The following SGCZ variants were observed in gnomAD, a reference collection of about 807,000 sequenced individuals.
SGCZ encodes zeta-sarcoglycan.
In SGCZ, 40 loss-of-function variants were observed where a neutral mutation model predicts 41.3. The observed-to-expected ratio is 0.97, with a 90% CI of 0.75 to 1.26. The LOEUF (loss-of-function observed/expected upper bound fraction) is 1.26, where lower values mean the gene tolerates loss of function less well. Among genes scored for constraint, SGCZ ranks in the 50% most tolerant of loss-of-function variants. The pLI is 0.00. For synonymous variants in SGCZ, 206 were observed against 137.5 expected (o/e 1.50, Z -3.49); for missense variants, 552 against 369.8 (o/e 1.49, Z -4.04).
At chr8:14,500,188 C>G (rs1306572055) in intron 2 of SGCZ, among the ~76,000 whole-genome samples, 1 of 151,994 alleles carries the variant, frequency 6.6e-6, no homozygotes, top group Non-Finnish European at 1.5e-5. Flanking sequence ...TGTAAAGAAT[C>G]GCTTAAAATA....
At chr8:15,056,679 G>A (rs1408092594) in intron 1 of SGCZ, among the ~76,000 whole-genome samples, 2 of 152,050 alleles carry the variant, frequency 1.3e-5, no homozygotes, top group East Asian at 3.9e-4. Flanking sequence ...TTCGCAGCTG[G>A]CTAAAGGAGA....
At chr8:14,630,727 T>C (rs961351747) in intron 1 of SGCZ, among the ~76,000 whole-genome samples, 2 of 151,848 alleles carry the variant, frequency 1.3e-5, no homozygotes, top group African/African-American at 2.4e-5. Context: ...TGTAGGGACA[T>C]GGATGAAGCT....
At chr8:14,433,304 C>G (rs910636565) in intron 2 of SGCZ, among the ~76,000 whole-genome samples, 2 of 152,134 alleles carry the variant, frequency 1.3e-5, no homozygotes, top group African/African-American at 4.8e-5. Context: ...CGTTTAACAC[C>G]TGTAGTGATT....
intron 2 of SGCZ, among the ~76,000 whole-genome samples, chr8:14,386,706 G>C (rs3860043): frequency 2.6e-5 from 4 of 151,936 alleles, no homozygotes; most frequent in Admixed American, 2.6e-4. Flanking sequence ...TGGGCTGCCA[G>C]AAGTTCATAT....
At chr8:14,198,349 A>T (rs1335272410) in intron 4 of SGCZ, among the ~76,000 whole-genome samples, 1 of 152,196 alleles carries the variant, frequency 6.6e-6, no homozygotes, top group Non-Finnish European at 1.5e-5. Context: ...AAAGCACAAG[A>T]TTAGCAAAGC....
intron 5 of SGCZ, among the ~76,000 whole-genome samples, chr8:14,142,628 G>C (rs746248100): frequency 5.6e-4 from 85 of 152,150 alleles, no homozygotes; most frequent in Non-Finnish European, 4.6e-4. Context: ...GGCATTTCAA[G>C]ACAGGTGGAG....
At chr8:14,238,823 C>G (rs1392190666) in intron 3 of SGCZ, among the ~76,000 whole-genome samples, 1 of 152,006 alleles carries the variant, frequency 6.6e-6, no homozygotes, top group African/African-American at 2.4e-5. Context: ...TGCTGAAATA[C>G]TATGAAAATC....
chr8:14,658,480 T>G (rs10087225), intron 1 of SGCZ, among the ~76,000 whole-genome samples: 90,052 of 151,916 alleles, frequency 0.59, 29,081 homozygotes, highest in African/African-American at 0.84. Flanking sequence ...TCCTACCAGA[T>G]GATAAGATGC....
intron 1 of SGCZ, among the ~76,000 whole-genome samples, chr8:14,654,939 A>G (rs1807514522): frequency 6.6e-6 from 1 of 152,026 alleles, no homozygotes; most frequent in Non-Finnish European, 1.5e-5. Flanking sequence ...TGCTGGGACT[A>G]CAGGCAGGAA....
At chr8:14,881,399 C>A (rs1804583526) in intron 1 of SGCZ, among the ~76,000 whole-genome samples, 2 of 152,074 alleles carry the variant, frequency 1.3e-5, no homozygotes. Context: ...GTTGAATTCT[C>A]CAGAAAGCAG....
At chr8:14,468,142 G>C (rs931358002) in intron 2 of SGCZ, among the ~76,000 whole-genome samples, 2 of 151,938 alleles carry the variant, frequency 1.3e-5, no homozygotes, top group Non-Finnish European at 2.9e-5. Context: ...GATCATTCCA[G>C]TTCCATCACT....
chr8:14,200,504 A>C (rs1459647076), intron 4 of SGCZ, among the ~76,000 whole-genome samples: 3 of 152,182 alleles, frequency 2.0e-5, no homozygotes, highest in African/African-American at 7.2e-5. Context: ...AGGACTGACC[A>C]ATCGACCAAT....
chr8:15,166,814 A>G (rs937952493), intron 1 of SGCZ, among the ~76,000 whole-genome samples: 2 of 152,172 alleles, frequency 1.3e-5, no homozygotes, highest in Non-Finnish European at 2.9e-5. Flanking sequence ...TGAGTTATAG[A>G]ACATTAACAG....
rs184973456 is a variant in SGCZ at position 14,641,680 on chromosome 8, G to A, written c.40-86754C>T. 4.3e-4 allele frequency among the ~76,000 whole-genome samples: 65 copies of A among 151,666 alleles called. 1 individual carries two copies. The East Asian group carries it at 8.0e-3, about 19-fold the overall frequency. ...ATTTTAAAATACATGATTTTCTGTT[G>A]TTCCCTGAAGGACATAGAGTTTATT... is the stretch of plus-strand genomic sequence containing the variant. On this transcript the variant is annotated intron_variant, in intron 1 of 7. Transcript: ENST00000382080.
At chr8:14,348,213 C>T (rs1453945455) in intron 2 of SGCZ, among the ~76,000 whole-genome samples, 2 of 152,168 alleles carry the variant, frequency 1.3e-5, no homozygotes, top group East Asian at 1.9e-4. Flanking sequence ...TATCCTGCAC[C>T]ACTCCTGCAT....
At chr8:14,150,325 A>G (rs558568776) in intron 5 of SGCZ, among the ~76,000 whole-genome samples, 4 of 152,248 alleles carry the variant, frequency 2.6e-5, no homozygotes, top group South Asian at 4.1e-4. Context: ...AGCTCAAACA[A>G]CTCTATAGGA....
chr8:14,488,398 C>G (rs1225907273), intron 2 of SGCZ, among the ~76,000 whole-genome samples: 1 of 140,262 alleles, frequency 7.1e-6, no homozygotes, highest in Non-Finnish European at 1.6e-5. Context: ...GCCTTAACTC[C>G]CCTCCAGCTA....
chr8:14,905,747 T>C (rs1436598265), intron 1 of SGCZ, among the ~76,000 whole-genome samples: 1 of 151,422 alleles, frequency 6.6e-6, no homozygotes, highest in African/African-American at 2.4e-5. Flanking sequence ...ATAGGCCAGA[T>C]GGGCAGCAGC....
At chr8:14,435,316 T>G (rs970360597) in intron 2 of SGCZ, among the ~76,000 whole-genome samples, 2 of 152,188 alleles carry the variant, frequency 1.3e-5, no homozygotes, top group Non-Finnish European at 2.9e-5. Flanking sequence ...CAATCATCAT[T>G]TAGGGTTCAT....
Sources: allele counts gnomAD v4.1 joint callset (sites outside exome capture counted in the v4.1 genomes callset), GRCh38; gene constraint gnomAD v4.1.1; transcripts MANE v1.5; gene names NCBI Gene and HGNC (gene_info 2026-07-23, HGNC 2026-07-21).